The following SPACA7 variants were observed in gnomAD, a reference collection of about 807,000 sequenced individuals.
The protein encoded by SPACA7 is sperm acrosome associated 7, also known as sperm acrosome-associated protein 7.
SPACA7 carries 19 observed loss-of-function variants against 26.3 expected under a neutral mutation model. The observed-to-expected ratio is 0.72, with a 90% confidence interval of 0.50 to 1.06. The LOEUF (loss-of-function observed/expected upper bound fraction) is 1.06, where lower values mean the gene tolerates loss of function less well. SPACA7 is among the 50% of genes least tolerant of loss of function. The probability of loss-of-function intolerance (pLI) is 0.00; values close to 1 mark genes in which losing one functional copy is unlikely to be tolerated. For missense variants in SPACA7, 211 were observed against 229.9 expected (o/e 0.92, Z 0.53); for synonymous variants, 84 against 84.5 (o/e 0.99, Z 0.04).
intron 1 of SPACA7, among the ~76,000 whole-genome samples, chr13:112,383,123 A>AG (rs200809765): frequency 1.9e-3 from 6 of 3,148 alleles, no homozygotes; most frequent in Non-Finnish European, 4.4e-3. Flanking sequence ...AAGAAAAGAA[A>AG]AGAAAGAAAG....
At chr13:112,390,192 C>T (rs987600082) in intron 1 of SPACA7, among the ~76,000 whole-genome samples, 1 of 151,998 alleles carries the variant, frequency 6.6e-6, no homozygotes, top group Admixed American at 6.6e-5. Flanking sequence ...AGAGGGCTAA[C>T]GGAGATTAGA....
chr13:112,432,875 A>G (rs1877302527), intron 6 of SPACA7, among the ~76,000 whole-genome samples: 1 of 152,198 alleles, frequency 6.6e-6, no homozygotes, highest in African/African-American at 2.4e-5. Context: ...CTCCCCCATG[A>G]CAGGCCCAGG....
intron 3 of SPACA7, 82 bp downstream of exon 3, chr13:112,398,220 C>T (rs1885409298): frequency 1.9e-6 from 2 of 1,058,168 alleles, no homozygotes; most frequent in Admixed American, 3.6e-5. Context: ...AATACGTGAC[C>T]CTATAATTTG....
chr13:112,430,106 GT>G (rs1368672079), intron 5 of SPACA7, among the ~76,000 whole-genome samples: 1 of 151,268 alleles, frequency 6.6e-6, no homozygotes, highest in Non-Finnish European at 1.5e-5. Flanking sequence ...TCCTTGAGTA[GT>G]TTTCTTACAG....
intron 1 of SPACA7, among the ~76,000 whole-genome samples, chr13:112,382,871 C>A (rs924255249): frequency 6.6e-6 from 1 of 151,848 alleles, no homozygotes; most frequent in Non-Finnish European, 1.5e-5. Flanking sequence ...TGCCTGTAAT[C>A]CCAGCTACTA....
chr13:112,387,969 A>G (rs960803999), intron 1 of SPACA7, among the ~76,000 whole-genome samples: 2 of 152,164 alleles, frequency 1.3e-5, no homozygotes, highest in African/African-American at 4.8e-5. Flanking sequence ...GTGATGGACA[A>G]CCTCTGAATG....
chr13:112,376,552 G>A, intron 1 of SPACA7, 73 bp downstream of exon 1: 2 of 1,501,062 alleles, frequency 1.3e-6, no homozygotes, highest in Non-Finnish European at 1.8e-6. Context: ...CTTCTCCCAT[G>A]GGTTCCTCTT....
intron 1 of SPACA7, among the ~76,000 whole-genome samples, chr13:112,388,500 A>G (rs1884675681): frequency 2.0e-5 from 3 of 152,182 alleles, no homozygotes; most frequent in Non-Finnish European, 4.4e-5. Context: ...AGAGTACCAG[A>G]GTCAGCCCCT....
At chr13:112,414,309 A>ATTTG (rs3063143) in intron 5 of SPACA7, among the ~76,000 whole-genome samples, 98,630 of 149,720 alleles carry the variant, frequency 0.66, 32,858 homozygotes, top group African/African-American at 0.78. Context: ...CAGCCCCAGG[A>ATTTG]TTTATTATTG....
intron 6 of SPACA7, 48 bp from the exon 7 acceptor site, chr13:112,434,437 C>A (rs1877535432): frequency 6.6e-7 from 1 of 1,515,512 alleles, no homozygotes; most frequent in South Asian, 1.2e-5. Context: ...GCCTCCATCT[C>A]CCTCATACCA....
chr13:112,423,816 G>C (rs1876249316), intron 5 of SPACA7, among the ~76,000 whole-genome samples: 1 of 152,212 alleles, frequency 6.6e-6, no homozygotes, highest in African/African-American at 2.4e-5. Context: ...CCTGAAACAA[G>C]TTAAGATTTC....
intron 5 of SPACA7, among the ~76,000 whole-genome samples, chr13:112,405,064 G>T (rs1885896181): frequency 7.1e-6 from 1 of 141,750 alleles, no homozygotes; most frequent in Admixed American, 7.5e-5. Flanking sequence ...CTCACTGCAA[G>T]CTCCGCCTCC....
At chr13:112,418,115 T>C (rs1189291649) in intron 5 of SPACA7, among the ~76,000 whole-genome samples, 6 of 152,192 alleles carry the variant, frequency 3.9e-5, no homozygotes, top group African/African-American at 1.2e-4. Context: ...TTTGCCAACG[T>C]TGAAAACTAT....
chr13:112,396,807 A>G (rs1483373591), intron 2 of SPACA7, among the ~76,000 whole-genome samples: 13 of 152,220 alleles, frequency 8.5e-5, no homozygotes, highest in Non-Finnish European at 1.5e-4. Context: ...TCCGCAATAC[A>G]AGGCCATGTC....
intron 5 of SPACA7, among the ~76,000 whole-genome samples, chr13:112,412,800 G>T (rs562580440): frequency 5.9e-5 from 9 of 152,156 alleles, no homozygotes; most frequent in Admixed American, 3.3e-4. Flanking sequence ...TCCCTATTCT[G>T]TCTCCTTGGT....
At chr13:112,408,697 C>A (rs1886151006) in intron 5 of SPACA7, among the ~76,000 whole-genome samples, 1 of 152,066 alleles carries the variant, frequency 6.6e-6, no homozygotes, top group South Asian at 2.1e-4. Flanking sequence ...GAACAACAAA[C>A]CACTGCTCAA....
At chr13:112,421,658 G>A (rs1457777388) in intron 5 of SPACA7, among the ~76,000 whole-genome samples, 1 of 152,124 alleles carries the variant, frequency 6.6e-6, no homozygotes, top group Non-Finnish European at 1.5e-5. Context: ...ACACATGCAT[G>A]TGTCTGTTCA....
At chr13:112,433,449 T>C (rs78604416) in intron 6 of SPACA7, among the ~76,000 whole-genome samples, 31,157 of 137,032 alleles carry the variant, frequency 0.23, 805 homozygotes, top group East Asian at 0.28. Context: ...GGAGCTTACC[T>C]GCTAGAGAAC....
intron 1 of SPACA7, among the ~76,000 whole-genome samples, chr13:112,377,812 G>A (rs934253002): frequency 3.9e-5 from 6 of 152,296 alleles, no homozygotes; most frequent in Admixed American, 6.5e-5. Context: ...GTTTCATCTG[G>A]TGGAGGATGT....
Sources: gnomAD v4.1 joint callset for allele counts (sites outside exome capture counted in the v4.1 genomes callset) on GRCh38, gnomAD v4.1.1 for gene constraint, MANE v1.5 for transcripts, NCBI Gene and HGNC (gene_info 2026-07-23, HGNC 2026-07-21) for gene names.